TTYH3: variants seen among roughly 807,000 people sequenced by gnomAD.
TTYH3 encodes protein tweety homolog 3.
TTYH3 carries 23 observed loss-of-function variants against 68.2 expected under a neutral mutation model. That is an observed-to-expected ratio of 0.34 (90% confidence interval 0.24 to 0.48). TTYH3 has a LOEUF of 0.48. Ranked by LOEUF, TTYH3 falls within the 20% of genes least tolerant of loss-of-function variation. The pLI is 0.99. For missense variants in TTYH3, 768 were observed against 727.7 expected (o/e 1.06, Z -0.64); for synonymous variants, 360 against 332.8 (o/e 1.08, Z -0.89).
Position 2,646,987 on chromosome 7 carries a change from G to A in TTYH3, c.258G>A (p.Thr86=). 2.5e-6 allele frequency: 4 copies of A among 1,589,260 alleles called. No individual in the cohort carries two copies. The highest frequency in any genetic ancestry group is 3.4e-6 in the Non-Finnish European group (4 of 1,172,178). ...EEHLDADCCC[T]AWCVIIATLV... ...ACCTGGACGCCGACTGCTGCTGCACGGCCTGGTGTGTCATCATCGCCACGC... is the reference window on the plus strand; with the variant it reads ...ACCTGGACGCCGACTGCTGCTGCACAGCCTGGTGTGTCATCATCGCCACGC... Residue 86 remains threonine, a synonymous_variant, in exon 2 of 14, where the codon ACG becomes ACA. Transcript: ENST00000258796.
chr7:2,635,548 G>A (rs868662178), intron 1 of TTYH3, among the ~76,000 whole-genome samples: 7 of 152,204 alleles, frequency 4.6e-5, no homozygotes, highest in African/African-American at 1.2e-4. Flanking sequence ...GGTGGGTTGC[G>A]AACCCAGGCG....
chr7:2,652,087 G>A (rs976221776), intron 7 of TTYH3, 100 bp from the exon 8 acceptor site: 22 of 996,550 alleles, frequency 2.2e-5, no homozygotes, highest in East Asian at 2.0e-4. Context: ...AAACATGCAC[G>A]CAGATGCCCT....
chr7:2,649,215 C>T (rs568989683), intron 5 of TTYH3, among the ~76,000 whole-genome samples: 1 of 152,208 alleles, frequency 6.6e-6, no homozygotes, highest in East Asian at 1.9e-4. Flanking sequence ...TTATCAGGCC[C>T]CTTGGGCTGC....
intron 10 of TTYH3, 51 bp from the exon 11 acceptor site, chr7:2,656,347 C>A (rs75457382): frequency 6.3e-7 from 1 of 1,590,476 alleles, no homozygotes. Context: ...TCACGCTGCC[C>A]CCTCCACCCT....
chr7:2,645,493 T>A lies in TTYH3; in HGVS notation c.124-1360T>A, dbSNP rs1319070809. On this transcript the variant is annotated intron_variant, in intron 1 of 13. Coordinates refer to ENST00000258796, the MANE Select transcript of TTYH3 (RefSeq NM_025250.3). The surrounding 1 kb of genome is among the most constrained non-coding windows in gnomAD (Gnocchi z 4.8). ...CACTTCCTGTGGGGGTCGCCTGGCC[T>A]CGGGACAGGGGAGCTCTGGTGTCTG... is the stretch of plus-strand genomic sequence containing the variant. 1 of 185,574 alleles carries A rather than the reference T, an allele frequency of 5.4e-6. No individual in the cohort carries two copies. Among genetic ancestry groups the A allele is most frequent in the Non-Finnish European group, 1.2e-5 (1 of 85,798 alleles). The allele number at this position is 185,574 out of a possible 1,614,324, so 11.5% of individuals were successfully genotyped here.
intron 9 of TTYH3, among the ~76,000 whole-genome samples, chr7:2,655,703 G>T (rs1189496616): frequency 2.0e-5 from 3 of 152,244 alleles, no homozygotes; most frequent in Non-Finnish European, 4.4e-5. Context: ...GTCAGTATGA[G>T]ACTCTTCCCT....
At position 2,646,743 on chromosome 7, in the gene TTYH3, G is replaced by A. The variant is rs535046655; in HGVS notation, c.124-110G>A. ...TCGGGGATGGGGCCCACCTCCCAGG[G>A]CTGGGGGCAGGATTAAATGGGAGTC... On this transcript the variant is annotated intron_variant, in intron 1 of 13. Transcript: ENST00000258796. The A allele has an allele frequency of 5.8e-4, 720 of 1,238,846 alleles. 3 individuals carry two copies. The African/African-American group carries it at 9.7e-3, about 17-fold the overall frequency. The allele number at this position is 1,238,846 out of a possible 1,614,324, so 76.7% of individuals were successfully genotyped here. A position where few individuals can be genotyped will look rare whatever the true frequency, so the allele number is the denominator to read the frequency against.
At chr7:2,651,130 C>T (rs536796960) in intron 7 of TTYH3, among the ~76,000 whole-genome samples, 15 of 151,988 alleles carry the variant, frequency 9.9e-5, no homozygotes, top group African/African-American at 2.4e-4. Flanking sequence ...ATCTGGAGAT[C>T]GGGGTGCCGT....
At chr7:2,648,127 C>T (rs1213832966) in intron 5 of TTYH3, 73 bp downstream of exon 5, 11 of 1,411,704 alleles carry the variant, frequency 7.8e-6, no homozygotes, top group Non-Finnish European at 1.1e-5. Context: ...TTACCCCTTC[C>T]CCCACCTCAT....
intron 3 of TTYH3, 74 bp downstream of exon 3, chr7:2,647,327 G>A: frequency 6.6e-7 from 1 of 1,514,770 alleles, no homozygotes; most frequent in Non-Finnish European, 8.8e-7. Context: ...AGGACGGGCG[G>A]GGCAGCCGGG....
chr7:2,649,378 A>G (rs1786096444), intron 5 of TTYH3, among the ~76,000 whole-genome samples, 189 bp from the exon 6 acceptor site: 1 of 152,044 alleles, frequency 6.6e-6, no homozygotes, highest in Admixed American at 6.5e-5. Context: ...CACCCCACCT[A>G]GGAGAGGGAT....
chr7:2,651,914 G>A (rs1228620569), intron 7 of TTYH3, among the ~76,000 whole-genome samples: 2 of 152,036 alleles, frequency 1.3e-5, no homozygotes, highest in South Asian at 2.1e-4. Flanking sequence ...ACACACATGC[G>A]AAGACATGTA....
chr7:2,642,097 A>G (rs1307521820), intron 1 of TTYH3, among the ~76,000 whole-genome samples: 2 of 152,238 alleles, frequency 1.3e-5, no homozygotes, highest in Non-Finnish European at 2.9e-5. Flanking sequence ...CCAGGCAAGA[A>G]CAAGAGAAAG....
chr7:2,657,380 G>A (rs1786365591), intron 11 of TTYH3, among the ~76,000 whole-genome samples: 2 of 149,524 alleles, frequency 1.3e-5, no homozygotes, highest in African/African-American at 2.5e-5. Context: ...GGTGGTGATG[G>A]TGATGATGGT....
At chr7:2,660,395 C>T (rs1265111539) in intron 13 of TTYH3, 1 of 985,290 alleles carries the variant, frequency 1.0e-6, no homozygotes, top group East Asian at 1.1e-4. Context: ...GGGCATGTGG[C>T]CAGCAGGCCC....
chr7:2,647,874 C>G (rs768430510), intron 4 of TTYH3, 85 bp from the exon 5 acceptor site: 4 of 1,496,460 alleles, frequency 2.7e-6, no homozygotes, highest in Admixed American at 3.4e-5. Flanking sequence ...GGCTGCTGGC[C>G]TCAGCTCCCC....
At position 2,663,328 on chromosome 7, in the gene TTYH3, G is replaced by A. The variant is rs114755822; in HGVS notation, c.*1589G>A. 9.7e-3 allele frequency: 1,490 copies of A among 152,966 alleles called. 29 individuals are homozygous for A. Among genetic ancestry groups the A allele is most frequent in the African/African-American group, 0.034 (1,407 of 41,582 alleles). The allele number at this position is 152,966 out of a possible 1,614,324, so 9.5% of individuals were successfully genotyped here. On this transcript the variant is annotated 3_prime_UTR_variant, in exon 14 of 14. Coordinates refer to ENST00000258796, the MANE Select transcript of TTYH3 (RefSeq NM_025250.3). ...GCCGGCAGCTACCTGGACCGGAAAT[G>A]TCCTCATCCCCTCCCTGGGGCCAGG...
At chr7:2,659,649 C>T (rs921395183) in intron 13 of TTYH3, among the ~76,000 whole-genome samples, 8 of 152,276 alleles carry the variant, frequency 5.3e-5, no homozygotes, top group South Asian at 2.1e-4. Flanking sequence ...GGGGAGGGGG[C>T]GGCCGGGCTA....
intron 1 of TTYH3, among the ~76,000 whole-genome samples, chr7:2,646,175 T>C (rs1331173616): frequency 2.0e-5 from 3 of 152,146 alleles, no homozygotes; most frequent in Admixed American, 6.5e-5. Flanking sequence ...CCACCAGGCC[T>C]GGCTAATTTT....
Sources: gnomAD v4.1 joint callset for allele counts (sites outside exome capture counted in the v4.1 genomes callset) on GRCh38, gnomAD v4.1.1 for gene constraint, Gnocchi (gnomAD v3.1) non-coding constraint, MANE v1.5 for transcripts, NCBI Gene and HGNC (gene_info 2026-07-23, HGNC 2026-07-21) for gene names.